Variants in RAPGEF5 observed in about 807,000 individuals in gnomAD.
The protein encoded by RAPGEF5 is M-Ras-regulated GEF.
Under a neutral mutation model 125.2 loss-of-function variants are expected in RAPGEF5, and 65 were observed. The ratio of observed to expected loss-of-function variants is 0.52; its 90% CI spans 0.43 to 0.64. The LOEUF is 0.64. Ranked by LOEUF, RAPGEF5 falls within the 30% of genes least tolerant of loss-of-function variation. The probability of loss-of-function intolerance (pLI) is 0.00; values close to 1 mark genes in which losing one functional copy is unlikely to be tolerated. For synonymous variants in RAPGEF5, 391 were observed against 385.9 expected (o/e 1.01, Z -0.16); for missense variants, 958 against 1,048.1 (o/e 0.91, Z 1.19).
intron 12 of RAPGEF5, 74 bp from the exon 13 acceptor site, chr7:22,162,615 A>C: frequency 7.2e-7 from 1 of 1,388,798 alleles, no homozygotes; most frequent in Non-Finnish European, 9.9e-7. Context: ...TCTTATTTTT[A>C]CAAAATATGT....
At chr7:22,230,714 C>T in intron 8 of RAPGEF5, 132 bp downstream of exon 8, 1 of 802,042 alleles carries the variant, frequency 1.2e-6, no homozygotes, top group Non-Finnish European at 2.0e-6. Context: ...AAACTGAGCA[C>T]TTTATTCCCA....
chr7:22,189,211 G>A (rs1208615664), intron 11 of RAPGEF5, among the ~76,000 whole-genome samples: 2 of 151,424 alleles, frequency 1.3e-5, no homozygotes, highest in Non-Finnish European at 2.9e-5. Flanking sequence ...TCAAAAAGAT[G>A]AATAAGGAAA....
At chr7:22,267,480 T>C (rs759060611) in intron 6 of RAPGEF5, among the ~76,000 whole-genome samples, 3 of 152,172 alleles carry the variant, frequency 2.0e-5, no homozygotes, top group Non-Finnish European at 4.4e-5. Context: ...ATAATGAATG[T>C]TCACTGCAAG....
chr7:22,335,156 A>G (rs1583587110), intron 1 of RAPGEF5, among the ~76,000 whole-genome samples: 2 of 152,230 alleles, frequency 1.3e-5, no homozygotes, highest in Admixed American at 1.3e-4. Flanking sequence ...AAACGAGCCA[A>G]ATCCTTACCT....
intron 14 of RAPGEF5, 102 bp from the exon 15 acceptor site, chr7:22,157,987 G>C: frequency 9.0e-7 from 1 of 1,107,070 alleles, no homozygotes; most frequent in Non-Finnish European, 1.3e-6. Flanking sequence ...AGAGGATTTT[G>C]CTCTTTAAAA....
At chr7:22,141,110 A>G (rs982620817) in intron 20 of RAPGEF5, among the ~76,000 whole-genome samples, 1 of 150,064 alleles carries the variant, frequency 6.7e-6, no homozygotes, top group Admixed American at 6.6e-5. Context: ...TCAGTTAAAT[A>G]CCATGTTATA....
intron 1 of RAPGEF5, among the ~76,000 whole-genome samples, chr7:22,337,408 T>C (rs1200928080): frequency 6.6e-6 from 1 of 152,222 alleles, no homozygotes; most frequent in Non-Finnish European, 1.5e-5. Context: ...AACAGTAATG[T>C]TATTTACAGG....
intron 11 of RAPGEF5, among the ~76,000 whole-genome samples, chr7:22,186,994 A>G (rs1171902682): frequency 6.6e-6 from 1 of 152,248 alleles, no homozygotes. Context: ...GGACAAGGTT[A>G]TATAAAAACA....
intron 14 of RAPGEF5, among the ~76,000 whole-genome samples, chr7:22,159,902 A>C (rs142436900): frequency 0.014 from 2,140 of 152,242 alleles, 49 homozygotes; most frequent in African/African-American, 0.05. Context: ...TGAGGTTGGG[A>C]GTTCAAGACC....
chr7:22,228,935 T>C (rs951474859), intron 8 of RAPGEF5, among the ~76,000 whole-genome samples: 1 of 152,136 alleles, frequency 6.6e-6, no homozygotes, highest in African/African-American at 2.4e-5. Flanking sequence ...GTGCCGGGAT[T>C]GCCAGGAGTG....
chr7:22,184,452 C>T (rs1378470314), intron 11 of RAPGEF5, among the ~76,000 whole-genome samples: 1 of 152,158 alleles, frequency 6.6e-6, no homozygotes, highest in Non-Finnish European at 1.5e-5. Flanking sequence ...AGATAATAAA[C>T]TACAGCTCAA....
chr7:22,254,356 C>T (rs1226853479), intron 7 of RAPGEF5, among the ~76,000 whole-genome samples: 1 of 151,584 alleles, frequency 6.6e-6, no homozygotes, highest in African/African-American at 2.4e-5. Context: ...CACCTGTAAT[C>T]CCAGCGCTTT....
chr7:22,291,268 C>G, intron 5 of RAPGEF5, 27 bp from the exon 6 acceptor site: 1 of 1,511,858 alleles, frequency 6.6e-7, no homozygotes. Flanking sequence ...GAACAAATTA[C>G]TTTTCAGTTT....
intron 9 of RAPGEF5, chr7:22,194,890 A>T: frequency 2.9e-6 from 1 of 340,124 alleles, no homozygotes; most frequent in Non-Finnish European, 4.2e-6. Context: ...AGCCATGAAC[A>T]CTTCCAGAGT....
At chr7:22,152,857 G>T (rs375508005) in intron 17 of RAPGEF5, among the ~76,000 whole-genome samples, 1 of 152,198 alleles carries the variant, frequency 6.6e-6, no homozygotes, top group Non-Finnish European at 1.5e-5. Context: ...ACAGAAAAAA[G>T]TAGAGGATGG....
At chr7:22,309,894 C>G (rs1783428602) in intron 4 of RAPGEF5, 75 bp downstream of exon 4, 1 of 1,433,686 alleles carries the variant, frequency 7.0e-7, no homozygotes, top group Non-Finnish European at 9.3e-7. Flanking sequence ...GTAACATCCT[C>G]TAGAAAATCA....
intron 9 of RAPGEF5, among the ~76,000 whole-genome samples, chr7:22,209,777 T>A (rs1476687): frequency 0.55 from 83,143 of 151,948 alleles, 22,796 homozygotes; most frequent in East Asian, 0.61. Flanking sequence ...CTTTAGGGCC[T>A]CACAAAATCT....
chr7:22,147,948 T>C (rs1330538770), intron 18 of RAPGEF5, among the ~76,000 whole-genome samples: 1 of 152,236 alleles, frequency 6.6e-6, no homozygotes, highest in African/African-American at 2.4e-5. Context: ...AAGTTTTACA[T>C]TGATGAAAAC....
intron 9 of RAPGEF5, among the ~76,000 whole-genome samples, chr7:22,213,706 G>C (rs966362460): frequency 6.6e-6 from 1 of 152,048 alleles, no homozygotes. Context: ...GTTTATAATT[G>C]GGCAACTTAA....
Sources: gnomAD v4.1 joint callset for allele counts (sites outside exome capture counted in the v4.1 genomes callset) on GRCh38, gnomAD v4.1.1 for gene constraint, MANE v1.5 for transcripts, NCBI Gene and HGNC (gene_info 2026-07-23, HGNC 2026-07-21) for gene names.